Variants in CADM2 observed in about 807,000 individuals in gnomAD.
CADM2 encodes immunoglobulin superfamily member 4D.
CADM2 carries 12 observed loss-of-function variants against 49.8 expected under a neutral mutation model. That is an observed-to-expected ratio of 0.24 (90% confidence interval 0.15 to 0.39). CADM2 has a LOEUF of 0.39. Ranked by LOEUF, CADM2 falls within the 10% of genes least tolerant of loss-of-function variation. The pLI is 1.00. For synonymous variants in CADM2, 214 were observed against 175.4 expected, an observed-to-expected ratio of 1.22 and a Z score of -1.74; for missense variants, 378 against 492.3, an observed-to-expected ratio of 0.77 and a Z score of 2.20.
intron 1 of CADM2, among the ~76,000 whole-genome samples, chr3:84,981,066 C>T (rs895029025): frequency 9.2e-5 from 14 of 151,502 alleles, no homozygotes; most frequent in East Asian, 2.0e-4. Flanking sequence ...CATGCTGGTG[C>T]GCTGCATCCA....
chr3:85,467,367 C>T (rs964371701), intron 1 of CADM2, among the ~76,000 whole-genome samples: 5 of 152,054 alleles, frequency 3.3e-5, no homozygotes, highest in Non-Finnish European at 5.9e-5. Context: ...ATCAAAAATG[C>T]TTGTTATATT....
chr3:85,399,528 C>G (rs920703009), intron 1 of CADM2, among the ~76,000 whole-genome samples: 1 of 152,116 alleles, frequency 6.6e-6, no homozygotes, highest in Admixed American at 6.6e-5. Flanking sequence ...TCATTGGTAG[C>G]TTGATGGGGA....
intron 1 of CADM2, among the ~76,000 whole-genome samples, chr3:85,474,749 T>C (rs901945180): frequency 2.0e-5 from 3 of 151,974 alleles, no homozygotes; most frequent in Non-Finnish European, 4.4e-5. Flanking sequence ...ATTTAATGAC[T>C]GGGTCTGTGT....
At chr3:85,550,972 T>C (rs2061788103) in intron 1 of CADM2, among the ~76,000 whole-genome samples, 1 of 151,630 alleles carries the variant, frequency 6.6e-6, no homozygotes, top group Non-Finnish European at 1.5e-5. Flanking sequence ...ATTTATTTGT[T>C]TGTTTGTTTA....
intron 8 of CADM2, among the ~76,000 whole-genome samples, chr3:85,969,250 A>C (rs1459124066): frequency 1.3e-5 from 2 of 151,518 alleles, no homozygotes; most frequent in Non-Finnish European, 3.0e-5. Context: ...TACTTTTCCA[A>C]GTCCTGCATT....
At chr3:85,736,979 G>GA (rs1357457931) in intron 2 of CADM2, among the ~76,000 whole-genome samples, 2 of 152,138 alleles carry the variant, frequency 1.3e-5, no homozygotes, top group Admixed American at 6.5e-5. Context: ...ACAGCAGTCA[G>GA]AAAAAATTAA....
intron 1 of CADM2, among the ~76,000 whole-genome samples, chr3:85,110,078 A>G (rs2038393754): frequency 6.6e-6 from 1 of 151,948 alleles, no homozygotes; most frequent in African/African-American, 2.4e-5. Flanking sequence ...TGATGAGGAT[A>G]TTTAATGTTG....
rs149524928 is a variant in CADM2, at chr3:85,372,622, C to T, written c.62-353900C>T. Among the ~76,000 whole-genome samples the T allele has an allele frequency of 5.5e-3, 836 of 152,056 alleles. 34 individuals are homozygous for T. Among genetic ancestry groups the T allele is most frequent in the Admixed American group, 0.048 (734 of 15,258 alleles). On this transcript the variant is annotated intron_variant, in intron 1 of 9. Transcript: ENST00000383699. The stretch of plus-strand genomic sequence containing the variant: ...TTTATGATGTTCAGATATTTTGGGT[C>T]CTAATACTAGAAATTCAGTATTTTG...
intron 3 of CADM2, among the ~76,000 whole-genome samples, chr3:85,816,300 A>C (rs1035744494): frequency 2.0e-5 from 3 of 151,958 alleles, no homozygotes; most frequent in Non-Finnish European, 2.9e-5. Flanking sequence ...TTAAAAACTT[A>C]GAGGCCACTG....
At chr3:85,692,120 T>C (rs1035575007) in intron 1 of CADM2, among the ~76,000 whole-genome samples, 2 of 152,094 alleles carry the variant, frequency 1.3e-5, no homozygotes, top group African/African-American at 4.8e-5. Flanking sequence ...AAACTTAAAG[T>C]ATAATTAAAA....
intron 1 of CADM2, among the ~76,000 whole-genome samples, chr3:85,716,342 G>A (rs1172423596): frequency 6.6e-6 from 1 of 152,088 alleles, no homozygotes; most frequent in African/African-American, 2.4e-5. Context: ...CCCACTTTTT[G>A]ATGGGGTTGT....
chr3:85,034,346 G>A (rs2035117271), intron 1 of CADM2, among the ~76,000 whole-genome samples: 1 of 151,946 alleles, frequency 6.6e-6, no homozygotes, highest in Non-Finnish European at 1.5e-5. Context: ...CAAAGTATGT[G>A]AGAACATGGG....
intron 1 of CADM2, among the ~76,000 whole-genome samples, chr3:85,014,357 ATTAG>A (rs1178949167): frequency 1.3e-5 from 2 of 151,912 alleles, no homozygotes; most frequent in South Asian, 2.1e-4. Flanking sequence ...TTATTTTATT[ATTAG>A]TTATTGTTGT....
At chr3:86,001,393 A>G (rs78625372) in intron 8 of CADM2, among the ~76,000 whole-genome samples, 1 of 152,272 alleles carries the variant, frequency 6.6e-6, no homozygotes, top group East Asian at 1.9e-4. Flanking sequence ...ATAGTCCTTA[A>G]CTGAGGTTAG....
At chr3:85,652,521 A>C (rs1202149551) in intron 1 of CADM2, among the ~76,000 whole-genome samples, 1 of 152,142 alleles carries the variant, frequency 6.6e-6, no homozygotes. Flanking sequence ...TCTCACTTGT[A>C]GTAATTTCTG....
chr3:85,709,380 T>C (rs977821741), intron 1 of CADM2, among the ~76,000 whole-genome samples: 1 of 152,146 alleles, frequency 6.6e-6, no homozygotes, highest in African/African-American at 2.4e-5. Context: ...TTCGAACTAG[T>C]GACACCATAT....
At chr3:85,186,189 GT>G (rs1460349130) in intron 1 of CADM2, among the ~76,000 whole-genome samples, 1 of 152,080 alleles carries the variant, frequency 6.6e-6, no homozygotes, top group Non-Finnish European at 1.5e-5. Context: ...CATTATGAAC[GT>G]TATTTTCTTT....
chr3:86,061,614 A>G (rs1738658924), intron 8 of CADM2, among the ~76,000 whole-genome samples: 1 of 152,132 alleles, frequency 6.6e-6, no homozygotes, highest in Admixed American at 6.6e-5. Context: ...TTATTCTATG[A>G]CCCACAAGCC....
At chr3:85,667,237 A>T (rs1338044974) in intron 1 of CADM2, among the ~76,000 whole-genome samples, 1 of 151,978 alleles carries the variant, frequency 6.6e-6, no homozygotes, top group Non-Finnish European at 1.5e-5. Context: ...ATAATTTTAA[A>T]CTCTTCGGTA....
Sources: gnomAD v4.1 joint callset for allele counts (sites outside exome capture counted in the v4.1 genomes callset) on GRCh38, gnomAD v4.1.1 for gene constraint, MANE v1.5 for transcripts, NCBI Gene and HGNC (gene_info 2026-07-23, HGNC 2026-07-21) for gene names.